The following RTL9 variants were observed in gnomAD, a reference collection of about 807,000 sequenced individuals.
RTL9 encodes retrotransposon Gag-like protein 9.
RTL9 carries 19 observed loss-of-function variants against 44.7 expected under a neutral mutation model. The observed-to-expected ratio is 0.42, with a 90% CI of 0.30 to 0.62. The LOEUF is 0.62. Ranked by LOEUF, RTL9 falls within the 20% of genes least tolerant of loss-of-function variation. The probability of loss-of-function intolerance (pLI) is 0.16; values close to 1 mark genes in which losing one functional copy is unlikely to be tolerated. For synonymous variants in RTL9, 407 were observed against 398.9 expected (o/e 1.02, Z -0.24); for missense variants, 1,105 against 1,080.6 (o/e 1.02, Z -0.32).
At chrX:110,391,569 T>A (rs139414489) in intron 1 of RTL9, among the ~76,000 whole-genome samples, 2,274 of 112,196 alleles carry the variant, frequency 0.02, 48 homozygotes, top group African/African-American at 0.069. Context: ...AGGCTACGAC[T>A]CTATGGCAGT....
At chrX:110,407,770 G>A (rs1466339720) in intron 1 of RTL9, among the ~76,000 whole-genome samples, 2 of 112,409 alleles carry the variant, frequency 1.8e-5, no homozygotes, top group Non-Finnish European at 3.8e-5. Context: ...TGGTAGAAGA[G>A]GGCCCTAACA....
intron 1 of RTL9, among the ~76,000 whole-genome samples, chrX:110,431,323 C>CTGTGTGTG (rs759432836): frequency 0.014 from 1,375 of 94,935 alleles, 36 homozygotes; most frequent in African/African-American, 0.052. Context: ...GAGGGGAAGG[C>CTGTGTGTG]TGTGTGTGTG....
chrX:110,433,063 G>A (rs899096267), intron 1 of RTL9, among the ~76,000 whole-genome samples: 2 of 112,530 alleles, frequency 1.8e-5, no homozygotes, highest in South Asian at 3.6e-4. Flanking sequence ...GGCTGCTCCC[G>A]GGTGGCTCCA....
At chrX:110,442,274 T>TGTGC (rs1369087118) in intron 1 of RTL9, among the ~76,000 whole-genome samples, 14 of 109,143 alleles carry the variant, frequency 1.3e-4, no homozygotes, top group Admixed American at 5.0e-4. Context: ...TGTGTGTGTG[T>TGTGC]GTGTGTGTGT....
At chrX:110,424,695 A>G (rs1256362994) in intron 1 of RTL9, among the ~76,000 whole-genome samples, 1 of 112,048 alleles carries the variant, frequency 8.9e-6, no homozygotes, top group Non-Finnish European at 1.9e-5. Flanking sequence ...AAAACCAAGC[A>G]TGTAATTATA....
intron 1 of RTL9, among the ~76,000 whole-genome samples, chrX:110,408,303 A>G (rs2068616852): frequency 8.9e-6 from 1 of 112,061 alleles, no homozygotes; most frequent in Admixed American, 9.4e-5. Context: ...CTGAATGACT[A>G]GACTGGTGGC....
intron 1 of RTL9, among the ~76,000 whole-genome samples, chrX:110,444,397 G>C (rs137984409): frequency 6.1e-4 from 69 of 112,786 alleles, no homozygotes; most frequent in African/African-American, 1.9e-3. Context: ...TACCTTAACT[G>C]TGAGTGATTC....
At chrX:110,432,119 A>G (rs925432209) in intron 1 of RTL9, among the ~76,000 whole-genome samples, 11 of 111,899 alleles carry the variant, frequency 9.8e-5, no homozygotes, top group African/African-American at 3.3e-4. Context: ...GAGGGAGAAG[A>G]GTTAAGAGGG....
chrX:110,372,380 G>A (rs778797823), intron 1 of RTL9, among the ~76,000 whole-genome samples: 5 of 112,335 alleles, frequency 4.5e-5, no homozygotes, highest in East Asian at 2.8e-4. Flanking sequence ...CTTCACATCC[G>A]TGCTGGAAGT....
At position 110,392,689 on chromosome X, in the gene RTL9, A is replaced by T. The variant is rs1387282662; in HGVS notation, c.-168+33773A>T. 3.6e-5 allele frequency among the ~76,000 whole-genome samples: 4 copies of T among 111,865 alleles called. No individual in the cohort carries two copies. In the South Asian group the frequency reaches 1.5e-3, roughly 42 times the overall value. On this transcript the variant is annotated intron_variant, in intron 1 of 2. Transcript: ENST00000520821. ...TGTTTGACAGGAAGTTTCTATTCAG[A>T]TCATTGTGCCTAGAGTATATAGAGG...
At chrX:110,441,498 A>T (rs762657178) in intron 1 of RTL9, among the ~76,000 whole-genome samples, 4 of 112,482 alleles carry the variant, frequency 3.6e-5, no homozygotes, top group Non-Finnish European at 7.5e-5. Flanking sequence ...TCAAGTGGGT[A>T]TACAAACTAA....
upstream of RTL9, among the ~76,000 whole-genome samples, chrX:110,414,558 A>T (rs1007935110): frequency 8.8e-6 from 1 of 113,215 alleles, no homozygotes; most frequent in Admixed American, 9.2e-5. Context: ...TGCTTTACAG[A>T]GGAGGAAGCT....
At chrX:110,426,377 C>T (rs2068754434) in intron 1 of RTL9, among the ~76,000 whole-genome samples, 1 of 111,750 alleles carries the variant, frequency 8.9e-6, no homozygotes, top group African/African-American at 3.3e-5. Flanking sequence ...TCCTGCTGGT[C>T]TTGTTGATTG....
intron 1 of RTL9, among the ~76,000 whole-genome samples, chrX:110,377,475 T>C (rs1445009731): frequency 8.9e-6 from 1 of 111,776 alleles, no homozygotes; most frequent in Non-Finnish European, 1.9e-5. Context: ...CTTTCTTTTT[T>C]TCTTTTAATA....
intron 1 of RTL9, among the ~76,000 whole-genome samples, chrX:110,407,312 C>T (rs936153245): frequency 1.8e-5 from 2 of 112,056 alleles, no homozygotes; most frequent in Non-Finnish European, 1.9e-5. Flanking sequence ...GTATTTCTCA[C>T]TGTTGGAACT....
chrX:110,413,329 G>A (rs751939810), intron 1 of RTL9, among the ~76,000 whole-genome samples: 3 of 111,401 alleles, frequency 2.7e-5, no homozygotes, highest in African/African-American at 9.8e-5. Context: ...GCCCTCTAGT[G>A]GACACTGTCC....
At chrX:110,414,884 C>T (rs182364339), upstream of RTL9, among the ~76,000 whole-genome samples, 1 of 112,299 alleles carries the variant, frequency 8.9e-6, no homozygotes, top group East Asian at 2.8e-4. Flanking sequence ...CATCCACTAC[C>T]ACTTGCCCAT....
chrX:110,428,331 C>G (rs991751432), intron 1 of RTL9, among the ~76,000 whole-genome samples: 1 of 112,032 alleles, frequency 8.9e-6, no homozygotes. Flanking sequence ...AGTCTGTTTA[C>G]TTATCTGCCT....
intron 1 of RTL9, among the ~76,000 whole-genome samples, chrX:110,369,600 G>A (rs1470393682): frequency 9.0e-6 from 1 of 110,825 alleles, no homozygotes; most frequent in Non-Finnish European, 1.9e-5. Flanking sequence ...CCTGGGGCAT[G>A]TCATCACACT....
Sources: gnomAD v4.1 joint callset for allele counts (sites outside exome capture counted in the v4.1 genomes callset) on GRCh38, gnomAD v4.1.1 for gene constraint, MANE v1.5 for transcripts, NCBI Gene and HGNC (gene_info 2026-07-23, HGNC 2026-07-21) for gene names.